FAT3: variants seen among roughly 807,000 people sequenced by gnomAD.
The protein encoded by FAT3 is FAT atypical cadherin 3.
In FAT3, 95 loss-of-function variants were observed where a neutral mutation model predicts 310.2. The observed-to-expected ratio is 0.31, with a 90% CI of 0.26 to 0.36. FAT3 has a LOEUF of 0.36. Ranked by LOEUF, FAT3 falls within the 10% of genes least tolerant of loss-of-function variation. The pLI is 1.00. For missense variants in FAT3, 5,408 were observed against 5,715.6 expected (o/e 0.95, Z 1.74); for synonymous variants, 2,314 against 2,192.9 (o/e 1.06, Z -1.54).
At chr11:92,729,415 C>A (rs376097196) in intron 4 of FAT3, among the ~76,000 whole-genome samples, 2 of 151,794 alleles carry the variant, frequency 1.3e-5, no homozygotes, top group African/African-American at 4.8e-5. Flanking sequence ...TGCAAATGGA[C>A]CCCAGACTGA....
intron 1 of FAT3, among the ~76,000 whole-genome samples, chr11:92,229,507 G>GTTTTT (rs1565339350): frequency 1.7e-5 from 1 of 58,160 alleles, no homozygotes; most frequent in Non-Finnish European, 3.1e-5. Flanking sequence ...TTTTTTTTTT[G>GTTTTT]TTTTTTGTTT....
Position 92,809,940 on chromosome 11 carries a change from C to A in FAT3, c.9345C>A (p.Ser3115=). Residue 3115 remains serine, a synonymous_variant, in exon 13 of 28, where the codon TCC becomes TCA. Transcript: ENST00000525166. The part of the protein sequence containing the change: ...ATDGGGRFCQ[S]NIHLILEDVN... ...ACGGGGGTGGCAGGTTCTGCCAGTC[C>A]AACATCCACCTAATCCTGGAGGATG... 1 of 1,613,912 alleles carries A rather than the reference C, an allele frequency of 6.2e-7. No individual in the cohort carries two copies. The highest frequency in any genetic ancestry group is 1.1e-5 in the South Asian group (1 of 91,074).
intron 4 of FAT3, among the ~76,000 whole-genome samples, chr11:92,752,648 A>C (rs2136057552): frequency 6.6e-6 from 1 of 152,336 alleles, no homozygotes; most frequent in Admixed American, 6.5e-5. Flanking sequence ...ACACACTTAC[A>C]GGTGTGATTA....
chr11:92,323,555 G>A (rs1947682908), intron 1 of FAT3, among the ~76,000 whole-genome samples: 1 of 149,906 alleles, frequency 6.7e-6, no homozygotes, highest in African/African-American at 2.4e-5. Context: ...ACCTGGCACA[G>A]TTAATACTTT....
intron 3 of FAT3, among the ~76,000 whole-genome samples, chr11:92,644,661 G>A (rs1307771705): frequency 6.6e-6 from 1 of 152,174 alleles, no homozygotes; most frequent in African/African-American, 2.4e-5. Flanking sequence ...GTTACCACGT[G>A]ACTTGACTGT....
chr11:92,627,358 C>T (rs1170854279), intron 3 of FAT3, among the ~76,000 whole-genome samples: 3 of 152,188 alleles, frequency 2.0e-5, no homozygotes, highest in East Asian at 3.9e-4. Flanking sequence ...GACTTTATGA[C>T]GGGCTGGGGA....
chr11:92,883,486 CG>C lies in FAT3; in HGVS notation c.12937+94del. 1 of 1,443,250 alleles carries C rather than the reference CG, an allele frequency of 6.9e-7. No homozygotes were observed. Among genetic ancestry groups the C allele is most frequent in the Non-Finnish European group, 9.3e-7 (1 of 1,077,208 alleles). The allele number at this position is 1,443,250 out of a possible 1,614,324, so 89.4% of individuals were successfully genotyped here. A position where few individuals can be genotyped will look rare whatever the true frequency, so the allele number is the denominator to read the frequency against. On this transcript the variant is annotated intron_variant, in intron 24 of 27. Coordinates refer to ENST00000525166, the MANE Select transcript of FAT3 (RefSeq NM_001367949.2). This position sits in a 1 kb window ranked among gnomAD's most constrained non-coding sequence, Gnocchi z 4.2. ...ACGCTACGGGAAGGGAGAGAGACCC[CG>C]CATGCAGAGCATTCGCTATGACATG...
At chr11:92,577,164 G>T (rs1421244682) in intron 3 of FAT3, among the ~76,000 whole-genome samples, 2 of 151,886 alleles carry the variant, frequency 1.3e-5, no homozygotes, top group Admixed American at 6.6e-5. Context: ...AGGCTGTAGT[G>T]CAGTGACATG....
chr11:92,829,660 T>G (rs1948191030), intron 13 of FAT3, among the ~76,000 whole-genome samples: 1 of 152,210 alleles, frequency 6.6e-6, no homozygotes, highest in Non-Finnish European at 1.5e-5. Context: ...CTCTGAAGCC[T>G]TATTTCAAGG....
At chr11:92,727,506 A>C (rs1025445915) in intron 4 of FAT3, among the ~76,000 whole-genome samples, 1 of 152,202 alleles carries the variant, frequency 6.6e-6, no homozygotes, top group African/African-American at 2.4e-5. Context: ...ATAACCTTTT[A>C]TTTTTAATTG....
chr11:92,698,116 C>G (rs1464153443), intron 4 of FAT3, among the ~76,000 whole-genome samples: 1 of 152,192 alleles, frequency 6.6e-6, no homozygotes, highest in Middle Eastern at 3.2e-3. Flanking sequence ...TTAATTGTGA[C>G]TGTGTGATAT....
In FAT3 at chr11:92,488,621, C is replaced by T. The variant is rs564991171; in HGVS notation, c.3293-36013C>T. Among the ~76,000 whole-genome samples the T allele has an allele frequency of 7.9e-5, 12 of 151,994 alleles. No individual in the cohort carries two copies. The South Asian group carries it at 2.5e-3, about 32-fold the overall frequency. On this transcript the variant is annotated intron_variant, in intron 2 of 27. Transcript: ENST00000525166. The stretch of plus-strand genomic sequence containing the variant: ...ATCCCATTATATCCTACTTGTCCTC[C>T]CTATACTTTCAAGTTTCCCTCCTCT...
At chr11:92,304,574 C>T (rs1390432643) in intron 1 of FAT3, among the ~76,000 whole-genome samples, 1 of 152,094 alleles carries the variant, frequency 6.6e-6, no homozygotes, top group Admixed American at 6.6e-5. Context: ...TATACTCAAA[C>T]CACCTCTGCA....
At chr11:92,718,287 G>A (rs1169782801) in intron 4 of FAT3, among the ~76,000 whole-genome samples, 1 of 152,140 alleles carries the variant, frequency 6.6e-6, no homozygotes, top group African/African-American at 2.4e-5. Flanking sequence ...GAGCTTTCTG[G>A]GGAGAACAGG....
At chr11:92,256,510 A>G (rs2134292108) in intron 1 of FAT3, among the ~76,000 whole-genome samples, 1 of 152,084 alleles carries the variant, frequency 6.6e-6, no homozygotes, top group East Asian at 1.9e-4. Flanking sequence ...AAATAAGGAG[A>G]TAAATAAAAA....
chr11:92,308,203 C>A (rs914682488), intron 1 of FAT3, among the ~76,000 whole-genome samples: 3 of 152,076 alleles, frequency 2.0e-5, no homozygotes, highest in African/African-American at 7.2e-5. Context: ...AGTTTTATTG[C>A]CATCTCTTTC....
intron 2 of FAT3, among the ~76,000 whole-genome samples, chr11:92,360,861 G>T (rs1173590414): frequency 1.3e-5 from 2 of 152,166 alleles, no homozygotes; most frequent in Admixed American, 1.3e-4. Context: ...CCCAGACAGG[G>T]TCACACATCT....
chr11:92,538,928 A>G, intron 3 of FAT3, among the ~76,000 whole-genome samples: 1 of 152,142 alleles, frequency 6.6e-6, no homozygotes, highest in South Asian at 2.1e-4. Context: ...CACATTAGAA[A>G]CAGACTATTA....
At chr11:92,428,315 A>C (rs1950683483) in intron 2 of FAT3, among the ~76,000 whole-genome samples, 1 of 131,162 alleles carries the variant, frequency 7.6e-6, no homozygotes, top group Non-Finnish European at 1.6e-5. Context: ...TAATCTTTTC[A>C]AAAAAAAAAA....
Sources: allele counts gnomAD v4.1 joint callset (sites outside exome capture counted in the v4.1 genomes callset), GRCh38; gene constraint gnomAD v4.1.1; non-coding constraint Gnocchi (gnomAD v3.1); transcripts MANE v1.5; gene names NCBI Gene and HGNC (gene_info 2026-07-23, HGNC 2026-07-21).